RANBP17: variants seen among roughly 807,000 people sequenced by gnomAD.
RANBP17 encodes the protein ran-binding protein 17.
Under a neutral mutation model 141.2 loss-of-function variants are expected in RANBP17, and 158 were observed. The observed-to-expected ratio is 1.12, with a 90% CI of 0.98 to 1.28. The LOEUF (loss-of-function observed/expected upper bound fraction) is 1.28, where lower values mean the gene tolerates loss of function less well. RANBP17 is among the 50% of genes most tolerant of loss of function. RANBP17 has a pLI of 0.00. For synonymous variants in RANBP17, 430 were observed against 450.0 expected, an observed-to-expected ratio of 0.96 and a Z score of 0.56; for missense variants, 1,438 against 1,290.7, an observed-to-expected ratio of 1.11 and a Z score of -1.75.
At chr5:171,211,406 C>T (rs762665758) in intron 20 of RANBP17, among the ~76,000 whole-genome samples, 50 of 151,930 alleles carry the variant, frequency 3.3e-4, no homozygotes, top group Non-Finnish European at 5.6e-4. Flanking sequence ...GGATTACAGG[C>T]GAGCGCCACT....
chr5:170,886,420 T>G (rs1016203104), intron 3 of RANBP17, among the ~76,000 whole-genome samples: 8 of 152,122 alleles, frequency 5.3e-5, no homozygotes, highest in African/African-American at 1.9e-4. Context: ...GCTAGGAGAT[T>G]AGCAGCTTTG....
At position 170,919,577 on chromosome 5, in the gene RANBP17, T is replaced by A. The variant is rs914043086; in HGVS notation, c.1238T>A (p.Ile413Asn). 6.2e-7 allele frequency: 1 copy of A among 1,609,902 alleles called. No homozygotes were observed. The highest frequency in any genetic ancestry group is 8.5e-7 in the Non-Finnish European group (1 of 1,178,566). The change falls in exon 11 of 28, where the codon ATC (isoleucine) becomes AAC (asparagine). Residue 413 changes from isoleucine to asparagine, a missense_variant. Transcript: ENST00000523189. The part of the protein sequence containing the change: ...TYAPEITKAF[I>N]TSRLDSVAIV... ...GCACCAGAAATCACGAAGGCCTTTA[T>A]CACTTCTCGGTTGGACTCTGTTGCC...
chr5:171,194,837 C>G (rs1376205426), intron 18 of RANBP17, among the ~76,000 whole-genome samples: 1 of 152,094 alleles, frequency 6.6e-6, no homozygotes, highest in Non-Finnish European at 1.5e-5. Context: ...ACATTTCCAC[C>G]CCTGGAGGTT....
chr5:171,036,621 C>T (rs905929803), intron 14 of RANBP17, among the ~76,000 whole-genome samples: 6 of 152,146 alleles, frequency 3.9e-5, no homozygotes. Context: ...CGCTGTGTCT[C>T]TTGTTGCCAT....
At chr5:170,904,223 T>G in intron 5 of RANBP17, 1 of 274,998 alleles carries the variant, frequency 3.6e-6, no homozygotes, top group East Asian at 8.9e-5. Flanking sequence ...ATTATTAGCT[T>G]TAGCAAATAA....
At chr5:171,038,010 G>T (rs1378725711) in intron 14 of RANBP17, among the ~76,000 whole-genome samples, 1 of 152,166 alleles carries the variant, frequency 6.6e-6, no homozygotes, top group Non-Finnish European at 1.5e-5. Flanking sequence ...GATTGCTTTG[G>T]ACAGTGTGGC....
chr5:170,986,904 G>A (rs1351561925), intron 14 of RANBP17, among the ~76,000 whole-genome samples: 1 of 151,750 alleles, frequency 6.6e-6, no homozygotes, highest in Admixed American at 6.6e-5. Context: ...TTTCATGATA[G>A]TATCTTCAAT....
At chr5:171,096,498 T>C (rs905906955) in intron 14 of RANBP17, among the ~76,000 whole-genome samples, 1 of 152,164 alleles carries the variant, frequency 6.6e-6, no homozygotes, top group Admixed American at 6.5e-5. Flanking sequence ...AGTAAATATT[T>C]AGGTAGCACA....
intron 1 of RANBP17, among the ~76,000 whole-genome samples, chr5:170,869,162 A>G (rs1199948377): frequency 1.3e-5 from 2 of 152,170 alleles, no homozygotes; most frequent in African/African-American, 2.4e-5. Context: ...TTTAAATACT[A>G]TGTAAATATA....
chr5:171,022,562 A>G (rs1160227620), intron 14 of RANBP17, among the ~76,000 whole-genome samples: 1 of 152,172 alleles, frequency 6.6e-6, no homozygotes. Context: ...CTGAAAAGGC[A>G]CTCTGACCAC....
chr5:170,896,162 A>G lies in RANBP17; in HGVS notation c.489+47A>G, dbSNP rs1770102714. ...ACAGGAGCCTGAGTTTGCTTAAGTAATGCTGTTTCTTTTCTGCTTTTATTT... is the reference window on the plus strand; with the variant it reads ...ACAGGAGCCTGAGTTTGCTTAAGTAGTGCTGTTTCTTTTCTGCTTTTATTT... On this transcript the variant is annotated intron_variant, in intron 5 of 27. Transcript: ENST00000523189. 3.1e-6 allele frequency: 4 copies of G among 1,299,508 alleles called. No homozygotes were observed. The African/African-American group carries it at 4.5e-5, about 15-fold the overall frequency. 80.5% of individuals were successfully genotyped at this position (1,299,508 alleles called of 1,614,324 possible). A position where few individuals can be genotyped will look rare whatever the true frequency, so the allele number is the denominator to read the frequency against.
chr5:170,900,395 TTC>T (rs1770530601), intron 5 of RANBP17, among the ~76,000 whole-genome samples: 2 of 152,170 alleles, frequency 1.3e-5, no homozygotes, highest in Admixed American at 1.3e-4. Flanking sequence ...TATTTGATTC[TTC>T]TCTCTTTTTT....
intron 12 of RANBP17, among the ~76,000 whole-genome samples, chr5:170,943,852 A>G (rs79677845): frequency 0.029 from 4,443 of 152,278 alleles, 217 homozygotes; most frequent in African/African-American, 0.099. Context: ...ATCACCTTCC[A>G]TAGTTACCAT....
intron 24 of RANBP17, among the ~76,000 whole-genome samples, chr5:171,265,444 C>T (rs1426789838): frequency 6.6e-6 from 1 of 152,110 alleles, no homozygotes; most frequent in Non-Finnish European, 1.5e-5. Context: ...GCAGGAGAAT[C>T]GCTTGAACCC....
intron 24 of RANBP17, among the ~76,000 whole-genome samples, chr5:171,249,513 A>G (rs1438613733): frequency 6.6e-6 from 1 of 152,240 alleles, no homozygotes; most frequent in Non-Finnish European, 1.5e-5. Context: ...AGAAATCTGA[A>G]AAACAATACA....
chr5:170,920,935 G>A (rs1032431400), intron 11 of RANBP17, among the ~76,000 whole-genome samples: 1 of 151,958 alleles, frequency 6.6e-6, no homozygotes, highest in African/African-American at 2.4e-5. Context: ...ACTTTTTGAT[G>A]GGGTTGTTTT....
At chr5:171,238,763 T>C (rs1200398663) in intron 22 of RANBP17, among the ~76,000 whole-genome samples, 1 of 152,202 alleles carries the variant, frequency 6.6e-6, no homozygotes, top group Non-Finnish European at 1.5e-5. Context: ...TTCATGCCTT[T>C]GCACTTCATC....
intron 25 of RANBP17, among the ~76,000 whole-genome samples, chr5:171,272,680 C>T (rs1406564085): frequency 6.6e-6 from 1 of 152,130 alleles, no homozygotes; most frequent in Non-Finnish European, 1.5e-5. Flanking sequence ...ATGTTTTGAG[C>T]ACATAAAATG....
intron 8 of RANBP17, among the ~76,000 whole-genome samples, chr5:170,914,903 A>G (rs995457257): frequency 2.6e-5 from 4 of 152,116 alleles, no homozygotes; most frequent in Non-Finnish European, 4.4e-5. Flanking sequence ...TAATATTGCC[A>G]TTTTCTGAAA....
Sources: gnomAD v4.1 joint callset for allele counts (sites outside exome capture counted in the v4.1 genomes callset) on GRCh38, gnomAD v4.1.1 for gene constraint, MANE v1.5 for transcripts, NCBI Gene and HGNC (gene_info 2026-07-23, HGNC 2026-07-21) for gene names.